AMBRA1: variants seen among roughly 807,000 people sequenced by gnomAD.
AMBRA1 encodes activating molecule in BECN1-regulated autophagy protein 1.
In AMBRA1, 47 loss-of-function variants were observed where a neutral mutation model predicts 125.4. That is an observed-to-expected ratio of 0.37 (90% CI 0.30 to 0.48). The LOEUF is 0.48. Among genes scored for constraint, AMBRA1 ranks in the 20% least tolerant of loss-of-function variants. The pLI is 0.99. For synonymous variants in AMBRA1, 626 were observed against 655.5 expected (o/e 0.95, Z 0.69); for missense variants, 1,331 against 1,693.4 (o/e 0.79, Z 3.76).
chr11:46,435,252 G>A (rs527859707), intron 12 of AMBRA1, among the ~76,000 whole-genome samples: 15 of 152,262 alleles, frequency 9.9e-5, no homozygotes, highest in Admixed American at 2.0e-4. Context: ...GAAACTATAG[G>A]ATAGTCAACA....
chr11:46,591,852 G>C (rs936135887), intron 1 of AMBRA1, among the ~76,000 whole-genome samples: 2 of 150,728 alleles, frequency 1.3e-5, no homozygotes, highest in Admixed American at 6.6e-5. Context: ...GCAAGACTCC[G>C]TCTCAAAAAA....
At chr11:46,502,987 G>A (rs558077628) in intron 9 of AMBRA1, among the ~76,000 whole-genome samples, 1 of 150,790 alleles carries the variant, frequency 6.6e-6, no homozygotes, top group South Asian at 2.1e-4. Context: ...CATGAACCTG[G>A]GAGGCGGAGC....
intron 1 of AMBRA1, among the ~76,000 whole-genome samples, chr11:46,565,487 G>A (rs1333520995): frequency 6.6e-6 from 1 of 151,008 alleles, no homozygotes; most frequent in Non-Finnish European, 1.5e-5. Flanking sequence ...TGGGCAGATT[G>A]CTTGAGCCCA....
chr11:46,492,565 G>T (rs550042510), intron 11 of AMBRA1, among the ~76,000 whole-genome samples: 6 of 152,264 alleles, frequency 3.9e-5, no homozygotes, highest in African/African-American at 1.4e-4. Context: ...TTATAAGTCG[G>T]CAGTGGAGGT....
chr11:46,566,573 G>C (rs1257299130), intron 1 of AMBRA1, among the ~76,000 whole-genome samples: 2 of 152,166 alleles, frequency 1.3e-5, no homozygotes, highest in African/African-American at 2.4e-5. Context: ...ATTAATGGTT[G>C]AAAGATTACA....
intron 6 of AMBRA1, 109 bp downstream of exon 6, chr11:46,543,866 G>C (rs1395249084): frequency 1.1e-6 from 1 of 907,802 alleles, no homozygotes; most frequent in African/African-American, 1.7e-5. Context: ...TGACTGGAAA[G>C]ATAAGACTTG....
chr11:46,398,479 GTTA>G (rs1026279042), intron 17 of AMBRA1, among the ~76,000 whole-genome samples: 1 of 152,176 alleles, frequency 6.6e-6, no homozygotes, highest in Non-Finnish European at 1.5e-5. Context: ...GAAGCTGAGA[GTTA>G]TTTTTATATT....
At chr11:46,546,559 A>C (rs531932777) in intron 4 of AMBRA1, among the ~76,000 whole-genome samples, 1 of 152,048 alleles carries the variant, frequency 6.6e-6, no homozygotes, top group African/African-American at 2.4e-5. Context: ...GGCTGAAGGA[A>C]GCAAAAGTAG....
intron 7 of AMBRA1, among the ~76,000 whole-genome samples, chr11:46,515,478 A>C (rs1394461732): frequency 1.0e-5 from 1 of 97,536 alleles, no homozygotes; most frequent in Admixed American, 8.6e-5. Flanking sequence ...ATCTCAAAAC[A>C]AACAAACAAA....
chr11:46,503,451 A>G (rs1950919072), intron 9 of AMBRA1, among the ~76,000 whole-genome samples: 1 of 152,210 alleles, frequency 6.6e-6, no homozygotes, highest in Non-Finnish European at 1.5e-5. Flanking sequence ...ACAGGTCACC[A>G]TAACAGATCT....
Position 46,434,700 on chromosome 11 carries a change from T to C in AMBRA1, c.2821+149A>G, listed in dbSNP as rs900252178. ...CTGCAATGTTACTAGCCAGCACTCC[T>C]GCAAAGCAATCTTTCTCTGGCCTGT... On this transcript the variant is annotated intron_variant, in intron 13 of 17. Coordinates refer to ENST00000683756, the MANE Select transcript of AMBRA1 (RefSeq NM_001387011.1). 1.7e-5 allele frequency: 15 copies of C among 864,468 alleles called. No homozygotes were observed. In the South Asian group the frequency reaches 2.8e-4, roughly 16 times the overall value. The allele number at this position is 864,468 out of a possible 1,614,324, so 53.5% of individuals were successfully genotyped here. A position where few individuals can be genotyped will look rare whatever the true frequency, so the allele number is the denominator to read the frequency against.
intron 17 of AMBRA1, among the ~76,000 whole-genome samples, chr11:46,407,151 C>A (rs1304406716): frequency 6.6e-6 from 1 of 152,094 alleles, no homozygotes; most frequent in Non-Finnish European, 1.5e-5. Context: ...CTGAAGTGAG[C>A]CGAGATCATG....
intron 13 of AMBRA1, among the ~76,000 whole-genome samples, chr11:46,434,115 C>CAAAAAAAAAA (rs145761376): frequency 6.2e-4 from 33 of 53,506 alleles, no homozygotes; most frequent in Non-Finnish European, 7.5e-4. Flanking sequence ...AACTCCGTCT[C>CAAAAAAAAAA]AAAAAAAAAA....
At chr11:46,522,939 G>A (rs73467964) in intron 7 of AMBRA1, among the ~76,000 whole-genome samples, 4 of 152,158 alleles carry the variant, frequency 2.6e-5, no homozygotes, top group African/African-American at 7.2e-5. Flanking sequence ...ATCTTAGGAC[G>A]AATATCAGAA....
rs200038782 is a variant in AMBRA1 at position 46,410,281 on chromosome 11, C to G, written c.3204G>C (p.Arg1068=). 5 of 1,613,672 alleles carry G rather than the reference C, an allele frequency of 3.1e-6. No individual in the cohort carries two copies. Among genetic ancestry groups the G allele is most frequent in the Non-Finnish European group, 4.2e-6 (5 of 1,179,864 alleles). The change falls in exon 16 of 18, where the codon CGG becomes CGC. Residue 1068 remains arginine, a synonymous_variant. Transcript: ENST00000683756. ...TVHSNSRSSE[R]PGTSRATWRT... is the part of the protein sequence containing the mutation. ...TGCCTACTTCCCAAACATACCCAGG[C>G]CGCTCGCTGCTCCTGCTGTTGGAAT...
intron 11 of AMBRA1, among the ~76,000 whole-genome samples, chr11:46,479,085 T>C (rs1191499508): frequency 6.6e-6 from 1 of 151,838 alleles, no homozygotes; most frequent in Non-Finnish European, 1.5e-5. Context: ...GTAGTCTCGG[T>C]TACCTGGGAG....
intron 7 of AMBRA1, 101 bp downstream of exon 7, chr11:46,541,844 G>A: frequency 1.3e-6 from 2 of 1,487,018 alleles, no homozygotes; most frequent in South Asian, 1.3e-5. Context: ...AGATGCGTGG[G>A]TCCCAGACAC....
intron 11 of AMBRA1, among the ~76,000 whole-genome samples, chr11:46,468,566 A>T (rs1354771404): frequency 6.6e-6 from 1 of 151,862 alleles, no homozygotes; most frequent in Non-Finnish European, 1.5e-5. Context: ...TGGGAGGCTG[A>T]GGTGGGTGCA....
intron 17 of AMBRA1, among the ~76,000 whole-genome samples, chr11:46,402,851 T>G (rs991499758): frequency 6.6e-6 from 1 of 152,170 alleles, no homozygotes; most frequent in Admixed American, 6.5e-5. Context: ...CCCCCAGGGC[T>G]CGGTGTGGAC....
Sources: allele counts gnomAD v4.1 joint callset (sites outside exome capture counted in the v4.1 genomes callset), GRCh38; gene constraint gnomAD v4.1.1; transcripts MANE v1.5; gene names NCBI Gene and HGNC (gene_info 2026-07-23, HGNC 2026-07-21).